The following S100PBP variants were observed in gnomAD, a reference collection of about 807,000 sequenced individuals.
S100PBP encodes the protein S100P-binding protein.
A neutral mutation model predicts 39.9 loss-of-function variants in S100PBP; 15 were observed. The ratio of observed to expected loss-of-function variants is 0.38; its 90% CI spans 0.25 to 0.58. S100PBP has a LOEUF of 0.58. Ranked by LOEUF, S100PBP falls within the 20% of genes least tolerant of loss-of-function variation. The pLI is 0.70. For missense variants in S100PBP, 504 were observed against 487.3 expected (o/e 1.03, Z -0.32); for synonymous variants, 178 against 180.3 (o/e 0.99, Z 0.10).
chr1:32,856,340 A>G lies in S100PBP; in HGVS notation c.*302A>G. On this transcript the variant is annotated 3_prime_UTR_variant, in exon 7 of 7. Coordinates refer to ENST00000373475, the MANE Select transcript of S100PBP (RefSeq NM_022753.4). The stretch of plus-strand genomic sequence containing the variant: ...GCCTCCTGAAAGCCAGCATTAAGCC[A>G]GAACACCCAGGTTCAAGCAAAAGAC... 1 of 187,706 alleles carries G rather than the reference A, an allele frequency of 5.3e-6. No homozygotes were observed. Among genetic ancestry groups the G allele is most frequent in the East Asian group, 1.5e-4 (1 of 6,636 alleles). The allele number at this position is 187,706 out of a possible 1,614,324, so 11.6% of individuals were successfully genotyped here.
chr1:32,824,527 C>G (rs1040182972), intron 1 of S100PBP, among the ~76,000 whole-genome samples: 4 of 151,584 alleles, frequency 2.6e-5, no homozygotes, highest in African/African-American at 9.7e-5. Flanking sequence ...TTTATGGTCC[C>G]TGCGAGTTAT....
At chr1:32,848,116 C>T (rs1393706935) in intron 5 of S100PBP, among the ~76,000 whole-genome samples, 1 of 151,992 alleles carries the variant, frequency 6.6e-6, no homozygotes, top group Non-Finnish European at 1.5e-5. Flanking sequence ...AGACCAGCCT[C>T]GCCAAGATGG....
At chr1:32,832,043 G>A (rs1359830531) in intron 5 of S100PBP, among the ~76,000 whole-genome samples, 1 of 152,226 alleles carries the variant, frequency 6.6e-6, no homozygotes, top group Non-Finnish European at 1.5e-5. Flanking sequence ...GCATACTTTA[G>A]TGGTTGAGAG....
chr1:32,846,606 T>TTTA (rs949313601), intron 5 of S100PBP, among the ~76,000 whole-genome samples: 3 of 151,714 alleles, frequency 2.0e-5, no homozygotes, highest in Non-Finnish European at 1.5e-5. Context: ...TCTTATTAAA[T>TTTA]TTATTATTAT....
At chr1:32,817,194 G>A (rs1638772113), upstream of S100PBP, 1 of 1,614,208 alleles carries the variant, frequency 6.2e-7, no homozygotes, top group Non-Finnish European at 8.5e-7. Context: ...TGACCTGCAG[G>A]TTCCGGGTGA....
intron 6 of S100PBP, among the ~76,000 whole-genome samples, chr1:32,855,193 G>A (rs1640773871): frequency 6.6e-6 from 1 of 152,146 alleles, no homozygotes; most frequent in Non-Finnish European, 1.5e-5. Context: ...GGTATTCTAA[G>A]TCATTAAGTC....
intron 5 of S100PBP, among the ~76,000 whole-genome samples, chr1:32,851,305 A>G (rs1640596807): frequency 6.6e-6 from 1 of 152,200 alleles, no homozygotes; most frequent in African/African-American, 2.4e-5. Context: ...AAAGCACAGT[A>G]GATAAGGTAA....
intron 5 of S100PBP, chr1:32,837,257 A>G (rs1323112020): frequency 2.7e-5 from 4 of 149,502 alleles, no homozygotes; most frequent in African/African-American, 9.9e-5. Context: ...TTTGTATGTC[A>G]TCTGTCTTTT....
intron 5 of S100PBP, among the ~76,000 whole-genome samples, chr1:32,844,457 G>C (rs550187920): frequency 6.6e-6 from 1 of 152,208 alleles, no homozygotes; most frequent in African/African-American, 2.4e-5. Flanking sequence ...GCCTAGCCTA[G>C]GTTACAGAGC....
chr1:32,848,481 A>G (rs1298811105), intron 5 of S100PBP, among the ~76,000 whole-genome samples: 1 of 152,134 alleles, frequency 6.6e-6, no homozygotes, highest in East Asian at 1.9e-4. Flanking sequence ...TAAAGCTCAC[A>G]TTGACATTTC....
chr1:32,823,323 T>C (rs893068423), intron 1 of S100PBP, among the ~76,000 whole-genome samples: 6 of 152,100 alleles, frequency 3.9e-5, no homozygotes, highest in Non-Finnish European at 1.5e-5. Flanking sequence ...CATACTAAAC[T>C]TTTTTTTCTA....
chr1:32,816,908 G>A, upstream of S100PBP: 1 of 580,404 alleles, frequency 1.7e-6, no homozygotes, highest in Non-Finnish European at 3.1e-6. Context: ...ACCACGTCTG[G>A]CACTTAATAG....
intron 5 of S100PBP, chr1:32,835,757 T>C (rs977870288): frequency 4.6e-5 from 7 of 152,142 alleles, no homozygotes; most frequent in African/African-American, 1.7e-4. Context: ...TATTTTTATT[T>C]TTATTTTTTT....
chr1:32,822,005 A>G (rs1014097579), intron 1 of S100PBP, among the ~76,000 whole-genome samples: 6 of 152,138 alleles, frequency 3.9e-5, no homozygotes, highest in African/African-American at 1.4e-4. Context: ...CACATAAGAC[A>G]TTATCAGCCA....
chr1:32,853,432 C>T (rs1640698914), intron 6 of S100PBP, among the ~76,000 whole-genome samples: 1 of 149,352 alleles, frequency 6.7e-6, no homozygotes, highest in Admixed American at 6.7e-5. Context: ...GATGGTGCCA[C>T]TGTACTCAAG....
Position 32,826,787 on chromosome 1 carries a change from G to T in S100PBP, c.688G>T (p.Asp230Tyr). The change falls in exon 3 of 7, where the codon GAC becomes TAC. Residue 230 changes from aspartate to tyrosine, a missense_variant. Physicochemically the swap from Asp to Tyr is radical, Grantham distance 160 (BLOSUM62 -3). Coordinates refer to ENST00000373475, the MANE Select transcript of S100PBP (RefSeq NM_022753.4). ...QQTVSDKNMPDSENPTSVFSR... is the reference protein window; with the variant it reads ...QQTVSDKNMPYSENPTSVFSR... ...GACTGTCTCTGATAAAAATATGCCT[G>T]ACAGTGAGAACCCTACGTCTGTATT... The T allele has an allele frequency of 6.2e-7, 1 of 1,614,076 alleles. No individual in the cohort carries two copies. Among genetic ancestry groups the T allele is most frequent in the East Asian group, 2.2e-5 (1 of 44,876 alleles).
Position 32,826,421 on chromosome 1 carries a change from G to T in S100PBP, c.322G>T (p.Ala108Ser). The T allele has an allele frequency of 6.2e-7, 1 of 1,614,110 alleles. No homozygotes were observed. The highest frequency in any genetic ancestry group is 8.5e-7 in the Non-Finnish European group (1 of 1,180,022). ...TTCATCGTACAGCCTGGGACCAGTA[G>T]CTGAGACTCCTGACCTCTTCAAACT... ...KNSSYSLGPV[A>S]ETPDLFKLPQ... is the part of the protein sequence containing the mutation. Residue 108 changes from alanine to serine, a missense_variant, in exon 3 of 7, where the codon GCT becomes TCT. Coordinates refer to ENST00000373475, the MANE Select transcript of S100PBP (RefSeq NM_022753.4).
intron 5 of S100PBP, among the ~76,000 whole-genome samples, chr1:32,843,411 C>A (rs1469009979): frequency 6.6e-6 from 1 of 151,602 alleles, no homozygotes; most frequent in Non-Finnish European, 1.5e-5. Flanking sequence ...ACTGCAACCT[C>A]AGCCTCCTGA....
intron 1 of S100PBP, among the ~76,000 whole-genome samples, chr1:32,822,900 C>T (rs1477031166): frequency 6.6e-6 from 1 of 152,120 alleles, no homozygotes; most frequent in African/African-American, 2.4e-5. Flanking sequence ...CAAAAGCCCT[C>T]TTTGGTCTTT....
Sources: gnomAD v4.1 joint callset for allele counts (sites outside exome capture counted in the v4.1 genomes callset) on GRCh38, gnomAD v4.1.1 for gene constraint, MANE v1.5 for transcripts, NCBI Gene and HGNC (gene_info 2026-07-23, HGNC 2026-07-21) for gene names.